The following LSAMP variants were observed in gnomAD, a reference collection of about 807,000 sequenced individuals.
The protein encoded by LSAMP is limbic system-associated membrane protein.
A neutral mutation model predicts 38.6 loss-of-function variants in LSAMP; 7 were observed. That is an observed-to-expected ratio of 0.18 (90% CI 0.10 to 0.34). LSAMP has a LOEUF of 0.34. Ranked by LOEUF, LSAMP falls within the 10% of genes least tolerant of loss-of-function variation. The probability of loss-of-function intolerance (pLI) is 1.00; values close to 1 mark genes in which losing one functional copy is unlikely to be tolerated. For synonymous variants in LSAMP, 154 were observed against 166.8 expected (o/e 0.92, Z 0.59); for missense variants, 313 against 420.0 (o/e 0.75, Z 2.23).
chr3:116,105,560 T>G (rs1277014215), intron 1 of LSAMP, among the ~76,000 whole-genome samples: 2 of 151,454 alleles, frequency 1.3e-5, no homozygotes, highest in Non-Finnish European at 1.5e-5. Context: ...GGGGCGGGGG[T>G]CACAAGGTGC....
intron 1 of LSAMP, among the ~76,000 whole-genome samples, chr3:116,329,366 G>T (rs1474044517): frequency 2.0e-5 from 3 of 152,060 alleles, no homozygotes; most frequent in African/African-American, 7.2e-5. Flanking sequence ...TGTGAAAATT[G>T]GTAAATGAAA....
chr3:116,231,542 C>A (rs1479010698), intron 1 of LSAMP, among the ~76,000 whole-genome samples: 1 of 152,164 alleles, frequency 6.6e-6, no homozygotes, highest in Non-Finnish European at 1.5e-5. Context: ...TGTCAAGGTG[C>A]TTCAGTGGGC....
intron 1 of LSAMP, among the ~76,000 whole-genome samples, chr3:116,220,920 C>T (rs149453339): frequency 1.3e-3 from 191 of 152,080 alleles, no homozygotes; most frequent in African/African-American, 4.3e-3. Flanking sequence ...TTTGGGAGGC[C>T]GGGGCAGGCG....
chr3:116,166,276 T>C (rs770603572), intron 1 of LSAMP, among the ~76,000 whole-genome samples: 1 of 152,242 alleles, frequency 6.6e-6, no homozygotes, highest in Non-Finnish European at 1.5e-5. Context: ...CAGTTCTAAG[T>C]GCTTTGCATA....
At chr3:116,056,662 T>C (rs1941495456) in intron 2 of LSAMP, among the ~76,000 whole-genome samples, 1 of 152,158 alleles carries the variant, frequency 6.6e-6, no homozygotes, top group Non-Finnish European at 1.5e-5. Context: ...TCATGAAATA[T>C]GATTTTAGCA....
At chr3:116,203,402 T>A (rs1576429336) in intron 1 of LSAMP, among the ~76,000 whole-genome samples, 2 of 151,028 alleles carry the variant, frequency 1.3e-5, no homozygotes, top group South Asian at 4.1e-4. Flanking sequence ...TATTTATTTT[T>A]TATTTTTTTA....
intron 3 of LSAMP, among the ~76,000 whole-genome samples, chr3:115,954,840 G>C (rs1490085874): frequency 1.3e-5 from 2 of 152,154 alleles, no homozygotes; most frequent in African/African-American, 2.4e-5. Context: ...GGCTTCTGTG[G>C]ATTCCTGAGC....
intron 1 of LSAMP, among the ~76,000 whole-genome samples, chr3:116,160,630 G>A (rs929967862): frequency 4.6e-5 from 7 of 152,020 alleles, no homozygotes; most frequent in South Asian, 2.1e-4. Context: ...CAATTTACTC[G>A]TATTACAAAC....
chr3:116,421,493 G>C (rs1037535904), intron 1 of LSAMP, among the ~76,000 whole-genome samples: 6 of 150,892 alleles, frequency 4.0e-5, no homozygotes, highest in Admixed American at 2.0e-4. Flanking sequence ...GCAGTGAACT[G>C]AGATCGTGCC....
intron 2 of LSAMP, among the ~76,000 whole-genome samples, chr3:116,043,904 C>G (rs1941233906): frequency 6.6e-6 from 1 of 152,194 alleles, no homozygotes; most frequent in Admixed American, 6.5e-5. Context: ...CAAGATCGCG[C>G]CGCTGCACTC....
intron 1 of LSAMP, among the ~76,000 whole-genome samples, chr3:116,322,642 C>A (rs1450182607): frequency 6.6e-6 from 1 of 152,074 alleles, no homozygotes; most frequent in African/African-American, 2.4e-5. Flanking sequence ...ACTAACATTT[C>A]TTTTTGACAG....
chr3:115,989,376 T>C (rs943081665), intron 3 of LSAMP, among the ~76,000 whole-genome samples: 1 of 152,150 alleles, frequency 6.6e-6, no homozygotes, highest in African/African-American at 2.4e-5. Context: ...AATAGTACTT[T>C]ATTTTTTACT....
intron 3 of LSAMP, among the ~76,000 whole-genome samples, chr3:115,986,402 A>G (rs1431776741): frequency 6.6e-6 from 1 of 152,198 alleles, no homozygotes; most frequent in Non-Finnish European, 1.5e-5. Flanking sequence ...ACATTTCACC[A>G]GTATATCTTA....
At chr3:116,403,878 G>T (rs1474827359) in intron 1 of LSAMP, among the ~76,000 whole-genome samples, 1 of 151,610 alleles carries the variant, frequency 6.6e-6, no homozygotes, top group African/African-American at 2.4e-5. Context: ...AGCCTTCTGA[G>T]CATCAGGGAC....
intron 6 of LSAMP, among the ~76,000 whole-genome samples, chr3:115,832,387 A>C (rs1387658074): frequency 6.6e-6 from 1 of 152,190 alleles, no homozygotes; most frequent in Non-Finnish European, 1.5e-5. Context: ...GAAATTTAAG[A>C]GTTCATAAAG....
chr3:116,149,961 C>A (rs1709575579), intron 1 of LSAMP, among the ~76,000 whole-genome samples: 1 of 151,992 alleles, frequency 6.6e-6, no homozygotes, highest in Admixed American at 6.6e-5. Flanking sequence ...TTGAATATTA[C>A]TCAGGTTATG....
At chr3:115,927,550 T>C (rs1354324570) in intron 3 of LSAMP, among the ~76,000 whole-genome samples, 1 of 152,140 alleles carries the variant, frequency 6.6e-6, no homozygotes, top group Non-Finnish European at 1.5e-5. Context: ...CATGGTTATG[T>C]ATTATTTTAT....
chr3:115,839,675 C>T (rs970642048), intron 6 of LSAMP, among the ~76,000 whole-genome samples: 1 of 152,120 alleles, frequency 6.6e-6, no homozygotes, highest in Non-Finnish European at 1.5e-5. Context: ...CTATTCTAAA[C>T]CAAATGCTGA....
intron 1 of LSAMP, among the ~76,000 whole-genome samples, chr3:116,145,577 T>C (rs1709472411): frequency 6.6e-6 from 1 of 151,940 alleles, no homozygotes; most frequent in African/African-American, 2.4e-5. Context: ...GTCTACTGAT[T>C]TAAATGTTAA....
Sources: gnomAD v4.1 joint callset for allele counts (sites outside exome capture counted in the v4.1 genomes callset) on GRCh38, gnomAD v4.1.1 for gene constraint, MANE v1.5 for transcripts, NCBI Gene and HGNC (gene_info 2026-07-23, HGNC 2026-07-21) for gene names.